The following PTPRG variants were observed in gnomAD, a reference collection of about 807,000 sequenced individuals.
PTPRG encodes protein tyrosine phosphatase receptor type G, also known as receptor-type tyrosine-protein phosphatase gamma.
PTPRG carries 102 observed loss-of-function variants against 165.3 expected under a neutral mutation model. That is an observed-to-expected ratio of 0.62 (90% CI 0.53 to 0.73). The LOEUF is 0.73. PTPRG is among the 30% of genes least tolerant of loss of function. PTPRG has a pLI of 0.00. For synonymous variants in PTPRG, 675 were observed against 669.5 expected (o/e 1.01, Z -0.13); for missense variants, 1,866 against 1,861.4 (o/e 1.00, Z -0.05).
chr3:61,706,067 T>C (rs1343998515), intron 1 of PTPRG, among the ~76,000 whole-genome samples: 4 of 152,192 alleles, frequency 2.6e-5, no homozygotes, highest in African/African-American at 7.2e-5. Flanking sequence ...AGAAAAATGA[T>C]TGATTATGAG....
In PTPRG at chr3:62,061,622, C is replaced by G. The variant is rs1219197177; in HGVS notation, c.520-16541C>G. Among the ~76,000 whole-genome samples, 6 of 118,890 alleles carry G rather than the reference C, an allele frequency of 5.0e-5. No homozygotes were observed. In the South Asian group the frequency reaches 2.0e-3, roughly 39 times the overall value. 78.0% of individuals were successfully genotyped at this position (118,890 alleles called of 152,430 possible). A position where few individuals can be genotyped will look rare whatever the true frequency, so the allele number is the denominator to read the frequency against. On this transcript the variant is annotated intron_variant, in intron 4 of 29. Coordinates refer to ENST00000474889, the MANE Select transcript of PTPRG (RefSeq NM_002841.4). The stretch of plus-strand genomic sequence containing the variant: ...CCTAAAAAACATTACTTGGCTTTCT[C>G]TTTTCTTTTCTTTTTTTTTTTTTTT...
intron 3 of PTPRG, among the ~76,000 whole-genome samples, chr3:62,000,466 C>G (rs1320603658): frequency 6.6e-6 from 1 of 152,068 alleles, no homozygotes; most frequent in Non-Finnish European, 1.5e-5. Flanking sequence ...GAAAAGACAT[C>G]CAGAGAGAGA....
At chr3:61,912,771 C>T (rs757921167) in intron 2 of PTPRG, among the ~76,000 whole-genome samples, 14 of 152,144 alleles carry the variant, frequency 9.2e-5, no homozygotes, top group Admixed American at 3.9e-4. Context: ...TTGAATTATG[C>T]AGAGCCTGGA....
chr3:61,965,128 C>T (rs1005951802), intron 2 of PTPRG, among the ~76,000 whole-genome samples: 6 of 151,676 alleles, frequency 4.0e-5, no homozygotes, highest in African/African-American at 1.5e-4. Flanking sequence ...CCTGTAATCC[C>T]GTCTACGTAG....
chr3:62,290,049 A>G (rs1702824018), intron 28 of PTPRG, among the ~76,000 whole-genome samples: 1 of 152,160 alleles, frequency 6.6e-6, no homozygotes, highest in Non-Finnish European at 1.5e-5. Flanking sequence ...CCATGTGAAA[A>G]TCAGTAACCT....
intron 1 of PTPRG, among the ~76,000 whole-genome samples, chr3:61,657,856 G>A (rs939102): frequency 0.018 from 2,689 of 152,274 alleles, 53 homozygotes; most frequent in South Asian, 0.075. Flanking sequence ...TAAGTTGATC[G>A]ATAGCAGGCA....
chr3:61,688,414 G>C (rs1244823515), intron 1 of PTPRG, among the ~76,000 whole-genome samples: 1 of 152,146 alleles, frequency 6.6e-6, no homozygotes, highest in African/African-American at 2.4e-5. Flanking sequence ...AATAAAGCAG[G>C]AGCTCATCAG....
chr3:62,184,102 GTCA>G (rs1705772081), intron 8 of PTPRG, among the ~76,000 whole-genome samples: 1 of 152,162 alleles, frequency 6.6e-6, no homozygotes, highest in Admixed American at 6.5e-5. Flanking sequence ...GAAGCCCAGT[GTCA>G]TCATCTTTCA....
At chr3:61,704,524 T>C (rs2031148568) in intron 1 of PTPRG, among the ~76,000 whole-genome samples, 1 of 152,036 alleles carries the variant, frequency 6.6e-6, no homozygotes, top group African/African-American at 2.4e-5. Context: ...AGTGTGGTAA[T>C]AAAAAATGTC....
At chr3:61,942,757 A>G (rs1188178205) in intron 2 of PTPRG, among the ~76,000 whole-genome samples, 1 of 152,238 alleles carries the variant, frequency 6.6e-6, no homozygotes, top group Non-Finnish European at 1.5e-5. Context: ...CTTTGCCCCA[A>G]ATCTCAAAAG....
intron 2 of PTPRG, among the ~76,000 whole-genome samples, chr3:61,946,687 A>T (rs1575812841): frequency 6.6e-6 from 1 of 152,242 alleles, no homozygotes; most frequent in African/African-American, 2.4e-5. Context: ...ACCTGTGTTC[A>T]GTAATTAGTG....
chr3:61,626,738 G>T lies in PTPRG; in HGVS notation c.85+64366G>T, dbSNP rs150174172. Among the ~76,000 whole-genome samples the T allele has an allele frequency of 5.9e-5, 9 of 152,330 alleles. No individual in the cohort carries two copies. The East Asian group carries it at 1.2e-3, about 20-fold the overall frequency. On this transcript the variant is annotated intron_variant, in intron 1 of 29. Coordinates refer to ENST00000474889, the MANE Select transcript of PTPRG (RefSeq NM_002841.4). ...AGCAGTGTTAGGAGTAAAGGCTGGT[G>T]GGGGAGAAGGCTGGTTGGCAGATTA...
At chr3:61,812,000 C>CA (rs34322279) in intron 2 of PTPRG, among the ~76,000 whole-genome samples, 5 of 151,938 alleles carry the variant, frequency 3.3e-5, no homozygotes, top group Admixed American at 2.6e-4. Flanking sequence ...GGCCTGTCTT[C>CA]AAAAAAAGGC....
intron 3 of PTPRG, among the ~76,000 whole-genome samples, chr3:61,992,416 T>A (rs776525494): frequency 6.6e-6 from 1 of 152,186 alleles, no homozygotes; most frequent in Non-Finnish European, 1.5e-5. Flanking sequence ...TGGAGTTCAG[T>A]TGGCATGATC....
In PTPRG at chr3:61,674,183, T is replaced by TA. The variant is rs11335275; in HGVS notation, c.86-74683dup. 1.2e-3 allele frequency among the ~76,000 whole-genome samples: 167 copies of TA among 144,146 alleles called. 1 individual carries two copies. Among genetic ancestry groups the TA allele is most frequent in the Middle Eastern group, 3.6e-3 (1 of 278 alleles). 94.6% of individuals were successfully genotyped at this position (144,146 alleles called of 152,430 possible). ...TATCCCAGAACAAGTATAATAATAA[T>TA]AAAAAAAAAAAAGAAACATGGCTTT... On this transcript the variant is annotated intron_variant, in intron 1 of 29. Transcript: ENST00000474889.
intron 28 of PTPRG, 54 bp from the exon 29 acceptor site, chr3:62,292,367 T>C: frequency 6.5e-7 from 1 of 1,544,386 alleles, no homozygotes; most frequent in Admixed American, 1.9e-5. Context: ...TTCATTTCAA[T>C]ATATTTGGTC....
At chr3:61,883,588 G>A (rs930354982) in intron 2 of PTPRG, among the ~76,000 whole-genome samples, 3 of 152,164 alleles carry the variant, frequency 2.0e-5, no homozygotes, top group Non-Finnish European at 2.9e-5. Flanking sequence ...CAAAAAAATA[G>A]TGTCTGTGTG....
intron 2 of PTPRG, among the ~76,000 whole-genome samples, chr3:61,841,651 C>T (rs1385715487): frequency 6.6e-6 from 1 of 151,880 alleles, no homozygotes; most frequent in African/African-American, 2.4e-5. Flanking sequence ...CACAAAAGAA[C>T]AGTCATGTGC....
At chr3:61,953,233 G>A (rs759760510) in intron 2 of PTPRG, among the ~76,000 whole-genome samples, 1 of 151,986 alleles carries the variant, frequency 6.6e-6, no homozygotes, top group African/African-American at 2.4e-5. Flanking sequence ...GGCTTTTCTT[G>A]CCCCCAGCTA....
Sources: allele counts gnomAD v4.1 joint callset (sites outside exome capture counted in the v4.1 genomes callset), GRCh38; gene constraint gnomAD v4.1.1; transcripts MANE v1.5; gene names NCBI Gene and HGNC (gene_info 2026-07-23, HGNC 2026-07-21).